PTPRB: variants seen among roughly 807,000 people sequenced by gnomAD.
PTPRB encodes the protein receptor-type tyrosine-protein phosphatase beta.
PTPRB carries 97 observed loss-of-function variants against 238.1 expected under a neutral mutation model. That is an observed-to-expected ratio of 0.41 (90% CI 0.35 to 0.48). The LOEUF (loss-of-function observed/expected upper bound fraction) is 0.48. Among genes scored for constraint, PTPRB ranks in the 20% least tolerant of loss-of-function variants. PTPRB has a pLI of 0.30. For synonymous variants in PTPRB, 970 were observed against 995.4 expected (o/e 0.97, Z 0.48); for missense variants, 2,292 against 2,681.9 (o/e 0.85, Z 3.21).
At chr12:70,561,027 G>C in intron 16 of PTPRB, 93 bp from the exon 17 acceptor site, 1 of 1,312,278 alleles carries the variant, frequency 7.6e-7, no homozygotes, top group Non-Finnish European at 1.1e-6. Flanking sequence ...GGGCATGTGG[G>C]TGAGTCGTAC....
At chr12:70,611,136 T>G (rs1277103509) in intron 3 of PTPRB, among the ~76,000 whole-genome samples, 2 of 152,228 alleles carry the variant, frequency 1.3e-5, no homozygotes, top group Non-Finnish European at 2.9e-5. Context: ...CACATTCTAA[T>G]TTTCAAATCA....
rs1184572864 is a variant in PTPRB at position 70,524,611 on chromosome 12, TG to T, written c.6505-21del. ...CTGACACTGTGGAAAAGCAGAAACATGTCAGAGGAGGGCCTGTTCTCATGCA... is the reference window on the plus strand; with the variant it reads ...CTGACACTGTGGAAAAGCAGAAACATTCAGAGGAGGGCCTGTTCTCATGCA... On this transcript the variant is annotated intron_variant, in intron 32 of 33. Coordinates refer to ENST00000334414, the MANE Select transcript of PTPRB (RefSeq NM_001109754.4). The T allele has an allele frequency of 6.2e-7, 1 of 1,601,870 alleles. No individual in the cohort carries two copies. The highest frequency in any genetic ancestry group is 2.3e-5 in the East Asian group (1 of 44,294).
At chr12:70,593,774 C>G (rs1882730938) in intron 6 of PTPRB, among the ~76,000 whole-genome samples, 1 of 149,364 alleles carries the variant, frequency 6.7e-6, no homozygotes, top group Non-Finnish European at 1.5e-5. Context: ...TAGAGTTTCT[C>G]TTAAAATTAG....
intron 24 of PTPRB, 45 bp from the exon 25 acceptor site, chr12:70,539,889 A>T: frequency 1.3e-6 from 2 of 1,579,394 alleles, no homozygotes; most frequent in Non-Finnish European, 8.7e-7. Flanking sequence ...AGCAAATTTC[A>T]CATAATACCA....
Position 70,520,963 on chromosome 12 carries a change from T to G in PTPRB, c.*526A>C, listed in dbSNP as rs572936415. The G allele has an allele frequency of 6.6e-6, 1 of 152,524 alleles. No individual in the cohort carries two copies. The highest frequency in any genetic ancestry group is 2.1e-4 in the South Asian group (1 of 4,826). 9.4% of individuals were successfully genotyped at this position (152,524 alleles called of 1,614,324 possible). ...AATTCTTTTTTCTCCCTCCCTCTAA[T>G]CCTTTTTTTGACTGTCACATTTGTC... On this transcript the variant is annotated 3_prime_UTR_variant, in exon 34 of 34. Coordinates refer to ENST00000334414, the MANE Select transcript of PTPRB (RefSeq NM_001109754.4).
intron 4 of PTPRB, 99 bp downstream of exon 4, chr12:70,608,970 A>AT (rs528970504): frequency 4.2e-5 from 61 of 1,439,616 alleles, no homozygotes; most frequent in African/African-American, 5.7e-5. Context: ...TTTTACCTTC[A>AT]TTTTTTGTAT....
At chr12:70,551,260 G>C (rs1876846577) in intron 21 of PTPRB, among the ~76,000 whole-genome samples, 2 of 152,148 alleles carry the variant, frequency 1.3e-5, no homozygotes, top group African/African-American at 4.8e-5. Context: ...TTTCTCCCTT[G>C]TTCTTCTGAA....
intron 18 of PTPRB, chr12:70,559,062 T>C (rs993010411): frequency 5.2e-6 from 3 of 574,492 alleles, no homozygotes; most frequent in African/African-American, 3.7e-5. Context: ...AGTGTCTCCA[T>C]AGTACCATTT....
At chr12:70,626,296 C>T (rs9737811) in intron 2 of PTPRB, among the ~76,000 whole-genome samples, 2,377 of 91,882 alleles carry the variant, frequency 0.026, 74 homozygotes, top group African/African-American at 0.041. Flanking sequence ...TCTATCCATC[C>T]ATCTATCTAT....
chr12:70,569,226 C>T (rs1162934251), intron 14 of PTPRB, among the ~76,000 whole-genome samples: 1 of 152,066 alleles, frequency 6.6e-6, no homozygotes, highest in Non-Finnish European at 1.5e-5. Context: ...CCTCAGCCTT[C>T]CAAGCAGCTG....
intron 4 of PTPRB, among the ~76,000 whole-genome samples, chr12:70,607,444 G>A (rs1004655822): frequency 1.3e-5 from 2 of 151,956 alleles, no homozygotes; most frequent in East Asian, 3.9e-4. Context: ...ACAACATTTG[G>A]ACTAAAAACC....
intron 2 of PTPRB, among the ~76,000 whole-genome samples, chr12:70,622,958 G>A (rs921284708): frequency 2.1e-4 from 31 of 149,442 alleles, no homozygotes; most frequent in African/African-American, 7.4e-4. Context: ...TAGGGGGGGG[G>A]TCACTGAATT....
intron 12 of PTPRB, among the ~76,000 whole-genome samples, 156 bp downstream of exon 12, chr12:70,571,668 A>C (rs1461870171): frequency 1.3e-5 from 2 of 152,238 alleles, no homozygotes; most frequent in South Asian, 2.1e-4. Context: ...TTCTGTAATT[A>C]TAGGCCATGG....
chr12:70,576,665 G>T lies in PTPRB; in HGVS notation c.2579-20C>A, dbSNP rs1370504085. On this transcript the variant is annotated intron_variant, in intron 10 of 33. Transcript: ENST00000334414. ...AAGGGACTGTGATTTTGAAAGGTGG[G>T]GGGCGGGGGGGGGGGGGAAGGGGGA... 2 of 287,398 alleles carry T rather than the reference G, an allele frequency of 7.0e-6. No homozygotes were observed. The highest frequency in any genetic ancestry group is 8.1e-5 in the African/African-American group (2 of 24,596). 17.8% of individuals were successfully genotyped at this position (287,398 alleles called of 1,614,324 possible).
At chr12:70,552,092 A>G (rs1876965586) in intron 21 of PTPRB, among the ~76,000 whole-genome samples, 1 of 152,208 alleles carries the variant, frequency 6.6e-6, no homozygotes, top group Non-Finnish European at 1.5e-5. Flanking sequence ...AGTAGAAGAT[A>G]TAACTTCATA....
chr12:70,589,841 T>C (rs966138727), intron 8 of PTPRB, 123 bp downstream of exon 8: 2 of 982,490 alleles, frequency 2.0e-6, no homozygotes, highest in African/African-American at 3.2e-5. Context: ...CTTAAAGTCC[T>C]TAATATCTCA....
Position 70,534,659 on chromosome 12 carries a change from A to G in PTPRB, c.6205-8T>C, listed in dbSNP as rs1873814548. 6.2e-7 allele frequency: 1 copy of G among 1,610,806 alleles called. No individual in the cohort carries two copies. The highest frequency in any genetic ancestry group is 1.3e-5 in the African/African-American group (1 of 74,882). On this transcript the variant is annotated splice_polypyrimidine_tract_variant and splice_region_variant and intron_variant, in intron 30 of 33. Transcript: ENST00000334414. ...TGCATCAAGCTGTTCCTCCTGTAAG[A>G]GCAGAGAGCAGGATAAAAGAGGAAC...
chr12:70,600,808 ACCTCAG>A (rs1883410237), intron 4 of PTPRB, among the ~76,000 whole-genome samples: 1 of 151,774 alleles, frequency 6.6e-6, no homozygotes, highest in South Asian at 2.1e-4. Context: ...TGATTCTCCC[ACCTCAG>A]CCTCATGAGT....
Position 70,627,501 on chromosome 12 carries a change from G to A in PTPRB, c.452-4855C>T, listed in dbSNP as rs1025510216. 5.3e-5 allele frequency among the ~76,000 whole-genome samples: 8 copies of A among 152,036 alleles called. No individual in the cohort carries two copies. The South Asian group carries it at 1.7e-3, about 31-fold the overall frequency. ...AGATTAGGAAAAATGACAATTTTAG[G>A]CTACATGAAAATCTATTATTTTACT... On this transcript the variant is annotated intron_variant, in intron 2 of 33. Coordinates refer to ENST00000334414, the MANE Select transcript of PTPRB (RefSeq NM_001109754.4).
Sources: allele counts gnomAD v4.1 joint callset (sites outside exome capture counted in the v4.1 genomes callset), GRCh38; gene constraint gnomAD v4.1.1; transcripts MANE v1.5; gene names NCBI Gene and HGNC (gene_info 2026-07-23, HGNC 2026-07-21).